Variants in ANKRD28 observed in about 807,000 individuals in gnomAD.
ANKRD28 encodes serine/threonine-protein phosphatase 6 regulatory ankyrin repeat subunit A.
Under a neutral mutation model 126.5 loss-of-function variants are expected in ANKRD28, and 44 were observed. The observed-to-expected ratio is 0.35, with a 90% CI of 0.27 to 0.45. The LOEUF (loss-of-function observed/expected upper bound fraction) is 0.45. Among genes scored for constraint, ANKRD28 ranks in the 20% least tolerant of loss-of-function variants. The pLI, the probability that ANKRD28 is intolerant of heterozygous loss-of-function variation, is 1.00. For missense variants in ANKRD28, 1,110 were observed against 1,316.6 expected (o/e 0.84, Z 2.43); for synonymous variants, 442 against 468.5 (o/e 0.94, Z 0.73).
At chr3:15,718,075 A>G (rs987066121) in intron 8 of ANKRD28, among the ~76,000 whole-genome samples, 1 of 152,200 alleles carries the variant, frequency 6.6e-6, no homozygotes, top group Admixed American at 6.5e-5. Flanking sequence ...ATAACTTAAT[A>G]ACACCGATTT....
At chr3:15,827,779 AC>A (rs766311521) in intron 1 of ANKRD28, among the ~76,000 whole-genome samples, 8 of 152,234 alleles carry the variant, frequency 5.3e-5, no homozygotes, top group Admixed American at 5.2e-4. Context: ...AGAGAAGGAT[AC>A]TATCAACAGA....
Position 15,796,881 on chromosome 3 carries a change from AC to A in ANKRD28, c.-361del. ...TGCTCTATCTCTGAAATTTACTTGC[AC>A]AAAACAATCATTGTTTTTGGTGACA... On this transcript the variant is annotated 5_prime_UTR_variant, in exon 1 of 28. An upstream open reading frame in the 5' UTR loses its in-frame stop. Coordinates refer to ENST00000683139, the MANE Select transcript of ANKRD28 (RefSeq NM_001349278.2). The A allele has an allele frequency of 2.0e-6, 2 of 988,008 alleles. No individual in the cohort carries two copies. Among genetic ancestry groups the A allele is most frequent in the Non-Finnish European group, 2.4e-6 (2 of 831,540 alleles). The allele number at this position is 988,008 out of a possible 1,614,324, so 61.2% of individuals were successfully genotyped here. A position where few individuals can be genotyped will look rare whatever the true frequency, so the allele number is the denominator to read the frequency against.
chr3:15,765,558 G>T (rs2058696679), intron 3 of ANKRD28, among the ~76,000 whole-genome samples: 1 of 152,038 alleles, frequency 6.6e-6, no homozygotes, highest in African/African-American at 2.4e-5. Context: ...AATACCCTAT[G>T]TAGGCGGGCA....
At position 15,814,257 on chromosome 3, in the gene ANKRD28, T is replaced by C. The variant is rs887976936; in HGVS notation, c.28-18951A>G. ...TAACCTACCATAATAGGAATTCCCA[T>C]ACTATTTTCCTCTGGTGGAGGCAGT... On this transcript the variant is annotated intron_variant, in intron 1 of 27. Transcript: ENST00000399451. This position sits in a 1 kb window ranked among gnomAD's most constrained non-coding sequence, Gnocchi z 4.7. 11 of 1,258,796 alleles carry C rather than the reference T, an allele frequency of 8.7e-6. No homozygotes were observed. The African/African-American group carries it at 1.7e-4, about 20-fold the overall frequency. The allele number at this position is 1,258,796 out of a possible 1,614,324, so 78.0% of individuals were successfully genotyped here.
At chr3:15,752,421 C>T (rs1033121655) in intron 3 of ANKRD28, among the ~76,000 whole-genome samples, 1 of 152,072 alleles carries the variant, frequency 6.6e-6, no homozygotes, top group Admixed American at 6.5e-5. Flanking sequence ...CAATTTTGTA[C>T]AGTTGTTTAA....
rs941948905 is a variant in ANKRD28, at chr3:15,804,381, T to C, written c.28-9075A>G. Among the ~76,000 whole-genome samples the C allele has an allele frequency of 5.5e-5, 8 of 145,576 alleles. 2 individuals are homozygous for C. Among genetic ancestry groups the C allele is most frequent in the African/African-American group, 2.0e-4 (8 of 39,052 alleles). On this transcript the variant is annotated intron_variant, in intron 1 of 27. Coordinates refer to the ANKRD28 transcript ENST00000399451. ...TCCATTCTCTAAAAAAATGGATATTTTAATAAAACTCTCCATAAACCTCAT... is the reference window on the plus strand; with the variant it reads ...TCCATTCTCTAAAAAAATGGATATTCTAATAAAACTCTCCATAAACCTCAT...
intron 1 of ANKRD28, among the ~76,000 whole-genome samples, chr3:15,834,777 T>G (rs1196287800): frequency 6.6e-6 from 1 of 152,216 alleles, no homozygotes; most frequent in Admixed American, 6.5e-5. Flanking sequence ...GAAAGGATAT[T>G]TCTATGGTTA....
rs1198606531 is a variant in ANKRD28 at position 15,854,842 on chromosome 3, A to G, written c.27+4535T>C. ...AAGGTGGGTGGATCACAAGGTCACG[A>G]GATTGAGACTATCCTGGCCAACATG... is the stretch of plus-strand genomic sequence containing the variant. On this transcript the variant is annotated intron_variant, in intron 1 of 27. Coordinates refer to the ANKRD28 transcript ENST00000399451. The surrounding 1 kb of genome is among the most constrained non-coding windows in gnomAD (Gnocchi z 4.1). Among the ~76,000 whole-genome samples, 1 of 152,148 alleles carries G rather than the reference A, an allele frequency of 6.6e-6. No individual in the cohort carries two copies. The highest frequency in any genetic ancestry group is 1.9e-4 in the East Asian group (1 of 5,184).
Position 15,670,099 on chromosome 3 carries a change from G to A in ANKRD28, c.*171C>T. The A allele has an allele frequency of 1.5e-6, 1 of 677,202 alleles. No individual in the cohort carries two copies. Among genetic ancestry groups the A allele is most frequent in the Non-Finnish European group, 2.4e-6 (1 of 415,548 alleles). The allele number at this position is 677,202 out of a possible 1,614,324, so 41.9% of individuals were successfully genotyped here. ...TTTCAAGATTCTAGAAGTTCCTTTT[G>A]TAAAACTTGCCTTTAAAACTCTTCC... On this transcript the variant is annotated 3_prime_UTR_variant, in exon 28 of 28. Coordinates refer to ENST00000683139, the MANE Select transcript of ANKRD28 (RefSeq NM_001349278.2).
intron 18 of ANKRD28, 44 bp from the exon 19 acceptor site, chr3:15,686,353 T>G (rs2068128985): frequency 7.0e-7 from 1 of 1,421,380 alleles, no homozygotes; most frequent in Non-Finnish European, 9.7e-7. Context: ...CATATAATGA[T>G]AAAATAGAAA....
chr3:15,690,337 T>A, intron 17 of ANKRD28, 117 bp from the exon 18 acceptor site: 4 of 824,930 alleles, frequency 4.8e-6, no homozygotes, highest in African/African-American at 1.7e-5. Context: ...CTTGAGATAA[T>A]CCAAACTTCT....
chr3:15,823,512 A>C (rs2060989702), intron 1 of ANKRD28, among the ~76,000 whole-genome samples: 1 of 152,244 alleles, frequency 6.6e-6, no homozygotes, highest in South Asian at 2.1e-4. Flanking sequence ...AAATAAAAGA[A>C]GAGGGAGAAC....
In ANKRD28 at chr3:15,854,045, C is replaced by T. The variant is rs2061709150; in HGVS notation, c.27+5332G>A. On this transcript the variant is annotated intron_variant, in intron 1 of 27. Transcript: ENST00000399451. The surrounding 1 kb of genome is among the most constrained non-coding windows in gnomAD (Gnocchi z 4.1). ...ACTGGTCCTGGGTGTCCCTGTTTGT[C>T]TGCCTTTTGTAATCTACTCTTCCAA... Among the ~76,000 whole-genome samples, 1 of 152,182 alleles carries T rather than the reference C, an allele frequency of 6.6e-6. No homozygotes were observed. Among genetic ancestry groups the T allele is most frequent in the Non-Finnish European group, 1.5e-5 (1 of 68,036 alleles).
At chr3:15,701,163 G>C (rs1043801412) in intron 14 of ANKRD28, among the ~76,000 whole-genome samples, 31 of 152,238 alleles carry the variant, frequency 2.0e-4, no homozygotes, top group African/African-American at 6.3e-4. Context: ...AAATATATGA[G>C]AGCCATTATT....
At chr3:15,757,899 C>A (rs539485519) in intron 3 of ANKRD28, among the ~76,000 whole-genome samples, 1 of 152,240 alleles carries the variant, frequency 6.6e-6, no homozygotes, top group Admixed American at 6.5e-5. Context: ...TGGAACAGAG[C>A]CACATCTATT....
At chr3:15,732,861 T>C (rs541139378) in intron 6 of ANKRD28, 4 of 152,248 alleles carry the variant, frequency 2.6e-5, no homozygotes, top group African/African-American at 9.7e-5. Context: ...AAAAAGGAGA[T>C]GGCTGCTTTA....
rs1021880372 is a variant in ANKRD28, at chr3:15,750,788, T to C, written c.351+962A>G. ...TTCCCTTTCCTTCTCCCAAACTACATAGTCCCATGATGGACAGAAGAAGCA... is the reference window on the plus strand; with the variant it reads ...TTCCCTTTCCTTCTCCCAAACTACACAGTCCCATGATGGACAGAAGAAGCA... On this transcript the variant is annotated intron_variant, in intron 4 of 27. Coordinates refer to ENST00000683139, the MANE Select transcript of ANKRD28 (RefSeq NM_001349278.2). Among the ~76,000 whole-genome samples the C allele has an allele frequency of 1.1e-4, 16 of 152,298 alleles. No individual in the cohort carries two copies. In the East Asian group the frequency reaches 2.3e-3, roughly 22 times the overall value.
intron 2 of ANKRD28, among the ~76,000 whole-genome samples, chr3:15,789,906 A>G (rs1304975584): frequency 6.6e-6 from 1 of 152,118 alleles, no homozygotes; most frequent in Non-Finnish European, 1.5e-5. Flanking sequence ...AGATCCAAAT[A>G]AAATCAGAAA....
intron 4 of ANKRD28, among the ~76,000 whole-genome samples, chr3:15,749,076 C>T (rs2057676115): frequency 6.9e-6 from 1 of 144,622 alleles, no homozygotes; most frequent in Admixed American, 7.0e-5. Context: ...AAGAATTTTC[C>T]TTTCATATTC....
Sources: allele counts gnomAD v4.1 joint callset (sites outside exome capture counted in the v4.1 genomes callset), GRCh38; gene constraint gnomAD v4.1.1; non-coding constraint Gnocchi (gnomAD v3.1); transcripts MANE v1.5; gene names NCBI Gene and HGNC (gene_info 2026-07-23, HGNC 2026-07-21).